The following DPP6 variants were observed in gnomAD, a reference collection of about 807,000 sequenced individuals.
The protein encoded by DPP6 is A-type potassium channel modulatory protein DPP6.
Under a neutral mutation model 122.6 loss-of-function variants are expected in DPP6, and 69 were observed. The ratio of observed to expected loss-of-function variants is 0.56; its 90% CI spans 0.46 to 0.69. The LOEUF (loss-of-function observed/expected upper bound fraction) is 0.69, where lower values mean the gene tolerates loss of function less well. Ranked by LOEUF, DPP6 falls within the 30% of genes least tolerant of loss-of-function variation. DPP6 has a pLI of 0.00. For synonymous variants in DPP6, 418 were observed against 433.1 expected, an observed-to-expected ratio of 0.97 and a Z score of 0.43; for missense variants, 928 against 1,116.9, an observed-to-expected ratio of 0.83 and a Z score of 2.41.
intron 5 of DPP6, among the ~76,000 whole-genome samples, chr7:154,574,722 GGGTGTACGTGTGTGGTGTGTGTA>G (rs1831395704): frequency 7.3e-6 from 1 of 137,602 alleles, no homozygotes; most frequent in Admixed American, 7.4e-5. Flanking sequence ...TGTGTGTGTG[GGGTGTACGTGTGTGGTGTGTGTA>G]TGTGTGTTGT....
intron 16 of DPP6, among the ~76,000 whole-genome samples, chr7:154,810,278 A>G (rs553309376): frequency 3.3e-5 from 5 of 152,318 alleles, no homozygotes; most frequent in African/African-American, 1.2e-4. Flanking sequence ...TTCAGTTTCC[A>G]TAAGCTGCAG....
chr7:154,583,092 A>C (rs1003787826), intron 5 of DPP6, among the ~76,000 whole-genome samples: 2 of 152,186 alleles, frequency 1.3e-5, no homozygotes, highest in African/African-American at 4.8e-5. Context: ...CCCACCACAC[A>C]GCAAAACTCT....
At chr7:154,341,112 T>C (rs1809887727) in intron 1 of DPP6, among the ~76,000 whole-genome samples, 1 of 152,226 alleles carries the variant, frequency 6.6e-6, no homozygotes, top group Non-Finnish European at 1.5e-5. Flanking sequence ...TTAAATATCA[T>C]GCAATCCAAA....
intron 1 of DPP6, among the ~76,000 whole-genome samples, chr7:154,314,425 C>A (rs1807249859): frequency 6.6e-6 from 1 of 152,320 alleles, no homozygotes; most frequent in East Asian, 1.9e-4. Context: ...ATTTGTTCTA[C>A]AAAATCATAG....
upstream of DPP6, among the ~76,000 whole-genome samples, chr7:154,050,524 A>G (rs1364014649): frequency 8.6e-5 from 13 of 151,884 alleles, no homozygotes; most frequent in Non-Finnish European, 1.9e-4. Flanking sequence ...GAATAGCATG[A>G]GCTTTCTTTC....
intron 1 of DPP6, among the ~76,000 whole-genome samples, chr7:154,264,872 C>CTGATTATGGTGT (rs1803282986): frequency 8.8e-6 from 1 of 113,212 alleles, no homozygotes; most frequent in Admixed American, 8.5e-5. Flanking sequence ...GATGGTGATC[C>CTGATTATGGTGT]TGATGATGGT....
chr7:154,514,280 A>T (rs889051192), intron 3 of DPP6, among the ~76,000 whole-genome samples: 2 of 151,932 alleles, frequency 1.3e-5, no homozygotes, highest in Non-Finnish European at 2.9e-5. Context: ...CCTCTCAAAA[A>T]GAAAAAAATA....
At chr7:154,626,986 A>C (rs1383769879) in intron 5 of DPP6, among the ~76,000 whole-genome samples, 1 of 132,978 alleles carries the variant, frequency 7.5e-6, no homozygotes, top group African/African-American at 2.8e-5. Flanking sequence ...TCTGGGGTCC[A>C]TTAGAAATTT....
At chr7:154,784,141 A>G (rs1285104387) in intron 10 of DPP6, among the ~76,000 whole-genome samples, 1 of 152,108 alleles carries the variant, frequency 6.6e-6, no homozygotes, top group East Asian at 1.9e-4. Flanking sequence ...CATGCCCAAC[A>G]TGGAACCTCC....
intron 1 of DPP6, among the ~76,000 whole-genome samples, chr7:154,226,623 TG>T (rs1169591961): frequency 1.3e-5 from 2 of 152,216 alleles, no homozygotes; most frequent in African/African-American, 4.8e-5. Flanking sequence ...ACAGTGGACA[TG>T]TGATCCTATT....
chr7:154,707,344 G>A (rs935950873), intron 7 of DPP6, among the ~76,000 whole-genome samples: 1 of 152,152 alleles, frequency 6.6e-6, no homozygotes, highest in African/African-American at 2.4e-5. Flanking sequence ...TTGTGGATAA[G>A]AAAATCAAAA....
intron 18 of DPP6, among the ~76,000 whole-genome samples, chr7:154,869,133 G>A (rs554040872): frequency 1.0e-3 from 157 of 152,300 alleles, no homozygotes; most frequent in Non-Finnish European, 1.9e-3. Context: ...TGAAAGGGCA[G>A]GGGGAGGAGC....
At chr7:154,588,608 A>C (rs1832621217) in intron 5 of DPP6, 1 of 152,430 alleles carries the variant, frequency 6.6e-6, no homozygotes, top group African/African-American at 2.4e-5. Flanking sequence ...AAATAAAAGA[A>C]GTAGATTCTC....
intron 1 of DPP6, among the ~76,000 whole-genome samples, chr7:154,269,024 G>A (rs1348804616): frequency 2.0e-5 from 3 of 150,528 alleles, no homozygotes; most frequent in Non-Finnish European, 4.4e-5. Context: ...TTGATTAAAG[G>A]ACTCTGAGTA....
intron 1 of DPP6, among the ~76,000 whole-genome samples, chr7:154,388,166 G>C (rs1056700610): frequency 1.3e-5 from 2 of 152,072 alleles, no homozygotes. Context: ...AGCTGGATGT[G>C]GTGGTGCACA....
chr7:153,771,381 C>G, the DPP6 span, among the ~76,000 whole-genome samples: 7 of 152,276 alleles, frequency 4.6e-5, no homozygotes, highest in East Asian at 7.7e-4. Context: ...ACTCTGCCTC[C>G]CAGGCTGGAG....
intron 1 of DPP6, among the ~76,000 whole-genome samples, chr7:154,023,937 G>T (rs1377314527): frequency 6.6e-6 from 1 of 152,126 alleles, no homozygotes; most frequent in Non-Finnish European, 1.5e-5. Context: ...GAATTTAGGG[G>T]TGCCCAACAG....
At chr7:154,625,863 G>A (rs1338949835) in intron 5 of DPP6, among the ~76,000 whole-genome samples, 1 of 152,220 alleles carries the variant, frequency 6.6e-6, no homozygotes, top group African/African-American at 2.4e-5. Context: ...TGGATTTGGA[G>A]CCAGTATATG....
At chr7:153,947,730 G>A (rs893015031) in intron 1 of DPP6, among the ~76,000 whole-genome samples, 2 of 152,102 alleles carry the variant, frequency 1.3e-5, no homozygotes, top group Non-Finnish European at 2.9e-5. Flanking sequence ...GGTGGGAACC[G>A]CAGCAAGGTC....
Sources: allele counts gnomAD v4.1 joint callset (sites outside exome capture counted in the v4.1 genomes callset), GRCh38; gene constraint gnomAD v4.1.1; transcripts MANE v1.5; gene names NCBI Gene and HGNC (gene_info 2026-07-23, HGNC 2026-07-21).